Variants in HDAC4 observed in about 807,000 individuals in gnomAD.
HDAC4 encodes histone deacetylase 4.
A neutral mutation model predicts 135.1 loss-of-function variants in HDAC4; 16 were observed. That is an observed-to-expected ratio of 0.12 (90% confidence interval 0.08 to 0.18). The LOEUF (loss-of-function observed/expected upper bound fraction) is 0.18, where lower values mean the gene tolerates loss of function less well. HDAC4 is among the 10% of genes least tolerant of loss of function. The pLI, the probability that HDAC4 is intolerant of heterozygous loss-of-function variation, is 1.00. For missense variants in HDAC4, 1,143 were observed against 1,511.8 expected (o/e 0.76, Z 4.05); for synonymous variants, 685 against 653.4 (o/e 1.05, Z -0.74).
At chr2:239,370,919 G>A (rs571038709) in intron 1 of HDAC4, among the ~76,000 whole-genome samples, 19 of 152,350 alleles carry the variant, frequency 1.2e-4, no homozygotes, top group Non-Finnish European at 1.3e-4. Flanking sequence ...CTCCTAGTTG[G>A]ATAGTCGATG....
intron 1 of HDAC4, among the ~76,000 whole-genome samples, chr2:239,385,812 G>A (rs1695761235): frequency 6.6e-6 from 1 of 152,210 alleles, no homozygotes; most frequent in Non-Finnish European, 1.5e-5. Context: ...CACGGAGGCT[G>A]TGATGACCCT....
chr2:239,388,914 G>A (rs1696012165), intron 1 of HDAC4, among the ~76,000 whole-genome samples: 1 of 152,210 alleles, frequency 6.6e-6, no homozygotes, highest in African/African-American at 2.4e-5. Flanking sequence ...GGAAGCAGCA[G>A]AGACACAGGG....
intron 2 of HDAC4, among the ~76,000 whole-genome samples, chr2:239,325,328 GA>G (rs377261208): frequency 2.0e-5 from 3 of 152,256 alleles, no homozygotes; most frequent in Non-Finnish European, 1.5e-5. Context: ...GATATTTGCA[GA>G]TTATATATCT....
intron 1 of HDAC4, among the ~76,000 whole-genome samples, chr2:239,376,284 ATCC>A (rs1695000606): frequency 2.6e-5 from 4 of 151,014 alleles, no homozygotes; most frequent in African/African-American, 7.3e-5. Flanking sequence ...ACCCTCCACC[ATCC>A]AAACACCAAG....
In HDAC4 at chr2:239,111,786, C is replaced by T. The variant is rs138811819; in HGVS notation, c.1792-74G>A. The T allele has an allele frequency of 9.7e-4, 1,364 of 1,408,276 alleles. 9 individuals carry two copies. The African/African-American group carries it at 0.017, about 18-fold the overall frequency. The allele number at this position is 1,408,276 out of a possible 1,614,324, so 87.2% of individuals were successfully genotyped here. A position where few individuals can be genotyped will look rare whatever the true frequency, so the allele number is the denominator to read the frequency against. ...CTGGGCTGCAGGGCTAGGGGTTGCCCTCTCTTGCAAGTCTCCCGTCCACGC... is the reference window on the plus strand; with the variant it reads ...CTGGGCTGCAGGGCTAGGGGTTGCCTTCTCTTGCAAGTCTCCCGTCCACGC... On this transcript the variant is annotated intron_variant, in intron 13 of 26. Coordinates refer to ENST00000543185, the MANE Select transcript of HDAC4 (RefSeq NM_001378414.1).
chr2:239,215,043 G>C (rs2046553574), intron 3 of HDAC4, among the ~76,000 whole-genome samples: 1 of 152,238 alleles, frequency 6.6e-6, no homozygotes, highest in South Asian at 2.1e-4. Context: ...GTGAGATCCA[G>C]GCGGGAGCAG....
rs532943121 is a variant in HDAC4 at position 239,303,731 on chromosome 2, C to T, written c.22+48947G>A. ...ACTTGTAAACAACGTCGGGCAGCAA[C>T]TGCAGGCCTCACCCCTCACTCTTCA... is the stretch of plus-strand genomic sequence containing the variant. On this transcript the variant is annotated intron_variant, in intron 2 of 26. Coordinates refer to ENST00000543185, the MANE Select transcript of HDAC4 (RefSeq NM_001378414.1). The surrounding 1 kb of genome is among the most constrained non-coding windows in gnomAD (Gnocchi z 5.1). Among the ~76,000 whole-genome samples the T allele has an allele frequency of 3.9e-5, 6 of 152,300 alleles. No homozygotes were observed. Among genetic ancestry groups the T allele is most frequent in the African/African-American group, 1.2e-4 (5 of 41,560 alleles).
At chr2:239,260,969 C>T (rs1047831253) in intron 2 of HDAC4, among the ~76,000 whole-genome samples, 15 of 152,246 alleles carry the variant, frequency 9.9e-5, no homozygotes, top group Admixed American at 3.9e-4. Context: ...GGGGTGGAGA[C>T]GGAAGCCAGC....
chr2:239,338,750 C>G (rs1692106368), intron 2 of HDAC4, among the ~76,000 whole-genome samples: 1 of 152,178 alleles, frequency 6.6e-6, no homozygotes, highest in Admixed American at 6.5e-5. Context: ...TGAGCTCAGT[C>G]CATCCAGAAG....
intron 7 of HDAC4, among the ~76,000 whole-genome samples, chr2:239,145,622 C>T (rs1559508640): frequency 1.3e-5 from 2 of 152,242 alleles, no homozygotes; most frequent in African/African-American, 2.4e-5. Context: ...GCCACGGAGA[C>T]GTGTGTCACA....
In HDAC4 at chr2:239,307,136, A is replaced by ACGT. The variant is rs2052636745; in HGVS notation, c.22+45541_22+45542insACG. Among the ~76,000 whole-genome samples, 1 of 152,024 alleles carries ACGT rather than the reference A, an allele frequency of 6.6e-6. No individual in the cohort carries two copies. Among genetic ancestry groups the ACGT allele is most frequent in the East Asian group, 1.9e-4 (1 of 5,140 alleles). On this transcript the variant is annotated intron_variant, in intron 2 of 26. Coordinates refer to ENST00000543185, the MANE Select transcript of HDAC4 (RefSeq NM_001378414.1). This position sits in a 1 kb window ranked among gnomAD's most constrained non-coding sequence, Gnocchi z 4.8. ...CCCTCCAGCTCTGTGCCTGCCGTCCATCCTGGGTGCCCACGAGGGGTCTGG... is the reference window on the plus strand; with the variant it reads ...CCCTCCAGCTCTGTGCCTGCCGTCCACGTTCCTGGGTGCCCACGAGGGGTCTGG...
intron 2 of HDAC4, among the ~76,000 whole-genome samples, chr2:239,280,447 C>A (rs1467109261): frequency 6.6e-6 from 1 of 152,178 alleles, no homozygotes; most frequent in Non-Finnish European, 1.5e-5. Context: ...CTCAGCCGTG[C>A]CGACTGGTCC....
Position 239,106,456 on chromosome 2 carries a change from C to T in HDAC4, c.2112+1594G>A, listed in dbSNP as rs994267788. On this transcript the variant is annotated intron_variant, in intron 15 of 26. Transcript: ENST00000543185. ...TGTCTGGTCCTGTGGAGGGAAGGGACGTGGGGAAGGAGTTTCCTGCAGCCA... is the reference window on the plus strand; with the variant it reads ...TGTCTGGTCCTGTGGAGGGAAGGGATGTGGGGAAGGAGTTTCCTGCAGCCA... Among the ~76,000 whole-genome samples, 7 of 152,210 alleles carry T rather than the reference C, an allele frequency of 4.6e-5. No homozygotes were observed. In the East Asian group the frequency reaches 7.8e-4, roughly 17 times the overall value.
chr2:239,144,101 C>G (rs1209670917), intron 8 of HDAC4, among the ~76,000 whole-genome samples: 1 of 152,164 alleles, frequency 6.6e-6, no homozygotes, highest in Admixed American at 6.5e-5. Flanking sequence ...TAGGGCCAAG[C>G]TGAAGCAACT....
In HDAC4 at chr2:239,139,194, G is replaced by A. The variant is rs1021030879; in HGVS notation, c.978+490C>T. ...CACGGGTGACGCTCCAGTCGGCCCT[G>A]ACACATAGTTTGTTGGCCGACATCG... On this transcript the variant is annotated intron_variant, in intron 9 of 26. Transcript: ENST00000543185. The surrounding 1 kb of genome is among the most constrained non-coding windows in gnomAD (Gnocchi z 5.3). Among the ~76,000 whole-genome samples, 1 of 152,060 alleles carries A rather than the reference G, an allele frequency of 6.6e-6. No individual in the cohort carries two copies. The highest frequency in any genetic ancestry group is 2.4e-5 in the African/African-American group (1 of 41,424).
intron 15 of HDAC4, among the ~76,000 whole-genome samples, chr2:239,103,967 T>G: frequency 6.6e-6 from 1 of 152,254 alleles, no homozygotes; most frequent in East Asian, 1.9e-4. Flanking sequence ...GGACGGATGC[T>G]CTGCGGGTTC....
chr2:239,137,065 C>A (rs767896322), intron 9 of HDAC4, among the ~76,000 whole-genome samples: 1 of 152,010 alleles, frequency 6.6e-6, no homozygotes, highest in Non-Finnish European at 1.5e-5. Flanking sequence ...AATAAGGAGA[C>A]GTTCTAATGT....
chr2:239,111,773 G>T, intron 13 of HDAC4, 61 bp from the exon 14 acceptor site: 2 of 1,441,592 alleles, frequency 1.4e-6, no homozygotes, highest in Non-Finnish European at 1.9e-6. Flanking sequence ...GGGCTGCAGG[G>T]CTAGGGGTTG....
In HDAC4 at chr2:239,052,206, A is replaced by AAAAC. The variant is rs1195808332; in HGVS notation, c.*887_*890dup. On this transcript the variant is annotated 3_prime_UTR_variant, in exon 27 of 27. Coordinates refer to ENST00000543185, the MANE Select transcript of HDAC4 (RefSeq NM_001378414.1). Reference sequence around the variant, plus strand: ...CATTTTTCTTAAACAGCAATAAAGCAAAACAGGGACCGCCGGGCTGCAGCC... The same window carrying AAAAC: ...CATTTTTCTTAAACAGCAATAAAGCAAAACAAACAGGGACCGCCGGGCTGCAGCC... 3 of 152,430 alleles carry AAAAC rather than the reference A, an allele frequency of 2.0e-5. No homozygotes were observed. The highest frequency in any genetic ancestry group is 7.2e-5 in the African/African-American group (3 of 41,458). 9.4% of individuals were successfully genotyped at this position (152,430 alleles called of 1,614,324 possible).
Sources: allele counts gnomAD v4.1 joint callset (sites outside exome capture counted in the v4.1 genomes callset), GRCh38; gene constraint gnomAD v4.1.1; non-coding constraint Gnocchi (gnomAD v3.1); transcripts MANE v1.5; gene names NCBI Gene and HGNC (gene_info 2026-07-23, HGNC 2026-07-21).